The following TAF1D variants were observed in gnomAD, a reference collection of about 807,000 sequenced individuals.
TAF1D encodes TATA-box binding protein associated factor, RNA polymerase I subunit D.
A neutral mutation model predicts 26.2 loss-of-function variants in TAF1D; 23 were observed. The observed-to-expected ratio is 0.88, with a 90% CI of 0.63 to 1.25. TAF1D has a LOEUF of 1.25. Ranked by LOEUF, TAF1D falls within the 50% of genes most tolerant of loss-of-function variation. The probability of loss-of-function intolerance (pLI) is 0.00; values close to 1 mark genes in which losing one functional copy is unlikely to be tolerated. For missense variants in TAF1D, 299 were observed against 322.0 expected, an observed-to-expected ratio of 0.93 and a Z score of 0.55; for synonymous variants, 100 against 105.6, an observed-to-expected ratio of 0.95 and a Z score of 0.33.
At chr11:93,732,325 T>C (rs750181863), downstream of TAF1D, 15 of 515,534 alleles carry the variant, frequency 2.9e-5, no homozygotes, top group Admixed American at 1.6e-4. Context: ...TATTTTAGAG[T>C]ATATCAAACT....
At chr11:93,733,812 G>A (rs777986529), downstream of TAF1D, 9 of 208,568 alleles carry the variant, frequency 4.3e-5, no homozygotes, top group African/African-American at 2.1e-4. Flanking sequence ...GCACCACTGT[G>A]TCCAGCTAGT....
chr11:93,738,069 T>G lies in TAF1D; in HGVS notation c.459+40A>C, dbSNP rs756829088. The G allele has an allele frequency of 6.6e-6, 10 of 1,511,174 alleles. 1 individual carries two copies. In the Admixed American group the frequency reaches 2.5e-4, roughly 37 times the overall value. The allele number at this position is 1,511,174 out of a possible 1,614,324, so 93.6% of individuals were successfully genotyped here. ...TGGCCAACAAATCATTTTGGGCATC[T>G]TGAGTTATGTGTAGCCATGTATGTA... On this transcript the variant is annotated intron_variant, in intron 3 of 5. Coordinates refer to ENST00000448108, the MANE Select transcript of TAF1D (RefSeq NM_024116.4).
At chr11:93,738,619 AAATTTT>A (rs1941223678) in intron 2 of TAF1D, 120 bp from the exon 3 acceptor site, 3 of 1,054,778 alleles carry the variant, frequency 2.8e-6, no homozygotes, top group African/African-American at 3.3e-5. Context: ...CCAGAATTAA[AAATTTT>A]TTAAAGGATG....
At chr11:93,740,266 G>A (rs922756550) in intron 1 of TAF1D, among the ~76,000 whole-genome samples, 1 of 151,574 alleles carries the variant, frequency 6.6e-6, no homozygotes, top group Non-Finnish European at 1.5e-5. Context: ...AACACAAGGA[G>A]ACCCTTGTCT....
Position 93,741,344 on chromosome 11 carries a change from C to G in TAF1D, c.-50G>C. 2.2e-6 allele frequency: 1 copy of G among 456,284 alleles called. No individual in the cohort carries two copies. The highest frequency in any genetic ancestry group is 4.4e-6 in the Non-Finnish European group (1 of 226,970). 28.3% of individuals were successfully genotyped at this position (456,284 alleles called of 1,614,324 possible). ...TACCTAAAACGGCCTCGCAGTGGCC[C>G]CAACCGCGCACTTGCTGCTTGTAAC... is the stretch of plus-strand genomic sequence containing the variant. On this transcript the variant is annotated 5_prime_UTR_variant, in exon 1 of 6. Transcript: ENST00000448108.
downstream of TAF1D, chr11:93,734,782 T>A: frequency 8.0e-7 from 1 of 1,249,744 alleles, no homozygotes; most frequent in Non-Finnish European, 1.0e-6. Context: ...GGAATCAACC[T>A]TTTTTTCTTA....
At chr11:93,732,459 T>C (rs760568954), downstream of TAF1D, 6 of 518,816 alleles carry the variant, frequency 1.2e-5, no homozygotes, top group African/African-American at 1.2e-4. Context: ...TTGAACACCC[T>C]AGCAGGTGTA....
chr11:93,735,321 C>T, downstream of TAF1D: 2 of 1,205,088 alleles, frequency 1.7e-6, no homozygotes, highest in Non-Finnish European at 2.1e-6. Flanking sequence ...CTGGTTCTCC[C>T]CAGGTATACA....
At chr11:93,734,857 C>A (rs1333973794), downstream of TAF1D, 10 of 881,704 alleles carry the variant, frequency 1.1e-5, no homozygotes, top group Non-Finnish European at 1.5e-5. Context: ...CTCAGTGCAG[C>A]CTCCAACTCT....
chr11:93,736,839 G>T, intron 4 of TAF1D, 88 bp from the exon 5 acceptor site: 1 of 1,393,560 alleles, frequency 7.2e-7, no homozygotes, highest in Non-Finnish European at 9.9e-7. Context: ...AACTGAAACT[G>T]CAATACTAGT....
chr11:93,738,003 G>A (rs1164308340), intron 3 of TAF1D, 106 bp downstream of exon 3: 43 of 1,316,810 alleles, frequency 3.3e-5, no homozygotes, highest in African/African-American at 4.5e-5. Flanking sequence ...TATCAAAATT[G>A]CAGACAGTCT....
downstream of TAF1D, chr11:93,734,782 T>C: frequency 8.0e-7 from 1 of 1,249,744 alleles, no homozygotes; most frequent in Non-Finnish European, 1.0e-6. Flanking sequence ...GGAATCAACC[T>C]TTTTTTCTTA....
downstream of TAF1D, chr11:93,734,982 T>C: frequency 8.5e-7 from 1 of 1,178,132 alleles, no homozygotes; most frequent in Non-Finnish European, 1.1e-6. Context: ...TAGGCTGGTC[T>C]TGAACTCCTG....
intron 1 of TAF1D, among the ~76,000 whole-genome samples, chr11:93,740,652 T>C (rs1328798025): frequency 6.7e-6 from 1 of 148,226 alleles, no homozygotes; most frequent in East Asian, 1.9e-4. Context: ...ATTTGTTAAA[T>C]GCCCCCTGTG....
chr11:93,739,462 T>C (rs1591294480), intron 1 of TAF1D, 131 bp from the exon 2 acceptor site: 1 of 553,692 alleles, frequency 1.8e-6, no homozygotes, highest in South Asian at 2.8e-5. Flanking sequence ...AAGCTTCTTA[T>C]CCATTTCAGA....
chr11:93,738,704 T>C (rs1488708001), intron 2 of TAF1D, among the ~76,000 whole-genome samples: 2 of 152,132 alleles, frequency 1.3e-5, no homozygotes, highest in African/African-American at 2.4e-5. Flanking sequence ...CAGCTCTTAT[T>C]AAAGAGTTTT....
Position 93,735,920 on chromosome 11 carries a change from T to C in TAF1D, c.*241A>G. ...CTCTTATTCAGAAATCAAATGACAA[T>C]TTCTCAAATTTTTCTATGTATTTTC... is the stretch of plus-strand genomic sequence containing the variant. On this transcript the variant is annotated 3_prime_UTR_variant, in exon 6 of 6. Transcript: ENST00000448108. 5 of 1,266,214 alleles carry C rather than the reference T, an allele frequency of 3.9e-6. No homozygotes were observed. The highest frequency in any genetic ancestry group is 5.0e-6 in the Non-Finnish European group (5 of 1,006,462). 78.4% of individuals were successfully genotyped at this position (1,266,214 alleles called of 1,614,324 possible). A position where few individuals can be genotyped will look rare whatever the true frequency, so the allele number is the denominator to read the frequency against.
Position 93,736,223 on chromosome 11 carries a change from C to T in TAF1D, c.775G>A (p.Ala259Thr). The T allele has an allele frequency of 6.2e-7, 1 of 1,613,584 alleles. No individual in the cohort carries two copies. The highest frequency in any genetic ancestry group is 8.5e-7 in the Non-Finnish European group (1 of 1,179,804). ...TTTGTAGCTCTCTTTTTAGACAAAG[C>T]AGCTTCTTCAGTAATATCCTCTTCT... ...LEEEDITEEA[A>T]LSKKRATKAK... The change falls in exon 6 of 6, where the codon GCT becomes ACT. Residue 259 changes from alanine (A) to threonine (T), a missense_variant. Coordinates refer to ENST00000448108, the MANE Select transcript of TAF1D (RefSeq NM_024116.4).
At chr11:93,735,283 A>T, downstream of TAF1D, 1 of 1,286,960 alleles carries the variant, frequency 7.8e-7, no homozygotes, top group South Asian at 1.3e-5. Flanking sequence ...TATCGTGGTG[A>T]TCAAAATAAT....
Sources: allele counts gnomAD v4.1 joint callset (sites outside exome capture counted in the v4.1 genomes callset), GRCh38; gene constraint gnomAD v4.1.1; transcripts MANE v1.5; gene names NCBI Gene and HGNC (gene_info 2026-07-23, HGNC 2026-07-21).